Variants in INO80 observed in about 807,000 individuals in gnomAD.
INO80 encodes the protein INO80 complex ATPase subunit, also known as chromatin-remodeling ATPase INO80.
A neutral mutation model predicts 203.4 loss-of-function variants in INO80; 20 were observed. The ratio of observed to expected loss-of-function variants is 0.10; its 90% CI spans 0.07 to 0.14. The LOEUF is 0.14. Among genes scored for constraint, INO80 ranks in the 10% least tolerant of loss-of-function variants. The probability of loss-of-function intolerance (pLI) is 1.00; values close to 1 mark genes in which losing one functional copy is unlikely to be tolerated. For missense variants in INO80, 1,419 were observed against 1,914.4 expected, an observed-to-expected ratio of 0.74 and a Z score of 4.83; for synonymous variants, 726 against 685.2, an observed-to-expected ratio of 1.06 and a Z score of -0.93.
chr15:41,096,811 T>C (rs1364043640), intron 1 of INO80, among the ~76,000 whole-genome samples: 2 of 152,226 alleles, frequency 1.3e-5, no homozygotes, highest in South Asian at 2.1e-4. Flanking sequence ...TTTGAATTCA[T>C]ATTCATACAT....
At chr15:41,048,153 C>T (rs1188083068) in intron 22 of INO80, 59 bp downstream of exon 22, 1 of 1,327,656 alleles carries the variant, frequency 7.5e-7, no homozygotes, top group Non-Finnish European at 1.1e-6. Context: ...CTCAGCAAAA[C>T]AAAGAGCATC....
intron 32 of INO80, among the ~76,000 whole-genome samples, chr15:40,984,582 G>A (rs1388735710): frequency 2.0e-5 from 3 of 151,870 alleles, no homozygotes; most frequent in African/African-American, 7.3e-5. Flanking sequence ...AACTACTTAG[G>A]CTGAGGTGGG....
chr15:41,045,695 A>G (rs2044745265), intron 23 of INO80, among the ~76,000 whole-genome samples: 1 of 151,620 alleles, frequency 6.6e-6, no homozygotes, highest in Non-Finnish European at 1.5e-5. Context: ...GAGTTCGGGA[A>G]CAGCCTGGCC....
chr15:41,005,441 C>A, intron 28 of INO80, 152 bp downstream of exon 28: 1 of 564,312 alleles, frequency 1.8e-6, no homozygotes, highest in Non-Finnish European at 3.1e-6. Context: ...TTATGATAAG[C>A]AGATTTAGTA....
intron 27 of INO80, 27 bp downstream of exon 27, chr15:41,016,061 C>G (rs758521199): frequency 1.3e-6 from 2 of 1,596,612 alleles, no homozygotes; most frequent in East Asian, 2.2e-5. Context: ...TCAAGGTATC[C>G]TAGGTCCCCA....
intron 24 of INO80, among the ~76,000 whole-genome samples, chr15:41,036,448 A>C (rs141774420): frequency 7.3e-4 from 111 of 152,218 alleles, no homozygotes; most frequent in African/African-American, 2.6e-3. Context: ...AAAAATAACT[A>C]AGTGCAATAA....
At chr15:40,982,432 A>G (rs1893866080) in intron 35 of INO80, among the ~76,000 whole-genome samples, 1 of 152,212 alleles carries the variant, frequency 6.6e-6, no homozygotes, top group South Asian at 2.1e-4. Flanking sequence ...TACAGGTGTG[A>G]GCCACTGTGC....
At chr15:41,003,551 A>G (rs998699377) in intron 28 of INO80, among the ~76,000 whole-genome samples, 6 of 151,790 alleles carry the variant, frequency 4.0e-5, no homozygotes, top group Non-Finnish European at 7.4e-5. Flanking sequence ...GCTGGTCTCG[A>G]ACTCCTGACC....
intron 29 of INO80, among the ~76,000 whole-genome samples, chr15:40,993,552 G>A (rs1039909835): frequency 1.3e-5 from 2 of 152,002 alleles, no homozygotes; most frequent in Non-Finnish European, 1.5e-5. Flanking sequence ...GAGGTCAGGA[G>A]TTTTGAGACC....
At position 40,980,331 on chromosome 15, in the gene INO80, T is replaced by G; in HGVS notation, c.4563A>C (p.Gly1521=). ...TCTTGGGATTCCCAGGAACATTATT[T>G]CCCTTGCTCAAAGGGGAACTCAAAG... ...SSPLSSPLSK[G]NNVPGNPKNL... Residue 1521 remains glycine, a synonymous_variant, in exon 36 of 36, where the codon GGA becomes GGC. Transcript: ENST00000648947. 6.2e-7 allele frequency: 1 copy of G among 1,614,022 alleles called. No homozygotes were observed. Among genetic ancestry groups the G allele is most frequent in the Non-Finnish European group, 8.5e-7 (1 of 1,180,004 alleles).
intron 11 of INO80, among the ~76,000 whole-genome samples, chr15:41,073,221 T>G (rs2045352368): frequency 6.6e-6 from 1 of 152,216 alleles, no homozygotes; most frequent in South Asian, 2.1e-4. Flanking sequence ...TATTCGTTTT[T>G]CTGCCTTTCT....
Position 41,087,669 on chromosome 15 carries a change from T to C in INO80, c.551A>G (p.Gln184Arg). Reference sequence around the variant, plus strand: ...GGAGAGCAGGCCTGCACTGTAGTACTGATATTGCTGCAACTGAAGCAGGCA... The same window carrying C: ...GGAGAGCAGGCCTGCACTGTAGTACCGATATTGCTGCAACTGAAGCAGGCA... ...YSKDKELQQY[Q>R]YYSAGLLSTY... The change falls in exon 6 of 36, where the codon CAG becomes CGG. Residue 184 changes from glutamine to arginine, a missense_variant. By Grantham distance (43) the Gln-to-Arg change is conservative. Coordinates refer to ENST00000648947, the MANE Select transcript of INO80 (RefSeq NM_017553.3). 3.1e-6 allele frequency: 5 copies of C among 1,610,450 alleles called. No homozygotes were observed. Among genetic ancestry groups the C allele is most frequent in the Non-Finnish European group, 4.2e-6 (5 of 1,178,538 alleles).
rs1245058781 is a variant in INO80 at position 41,116,151 on chromosome 15, A to T, written c.-222T>A. 2 of 405,320 alleles carry T rather than the reference A, an allele frequency of 4.9e-6. No homozygotes were observed. The highest frequency in any genetic ancestry group is 4.1e-5 in the African/African-American group (2 of 48,642). The allele number at this position is 405,320 out of a possible 1,614,324, so 25.1% of individuals were successfully genotyped here. A position where few individuals can be genotyped will look rare whatever the true frequency, so the allele number is the denominator to read the frequency against. On this transcript the variant is annotated 5_prime_UTR_variant, in exon 1 of 36. Coordinates refer to ENST00000648947, the MANE Select transcript of INO80 (RefSeq NM_017553.3). ...GCTCGCTCCCTCCGCGGCTCCTGGGACCCCAAGATGGCGGCGGCGCTGAGG... is the reference window on the plus strand; with the variant it reads ...GCTCGCTCCCTCCGCGGCTCCTGGGTCCCCAAGATGGCGGCGGCGCTGAGG...
intron 16 of INO80, 38 bp from the exon 17 acceptor site, chr15:41,056,744 TA>T: frequency 1.9e-6 from 3 of 1,563,242 alleles, no homozygotes; most frequent in Non-Finnish European, 2.6e-6. Context: ...ATGTTAGCAA[TA>T]AATTGTTCTT....
intron 31 of INO80, 54 bp from the exon 32 acceptor site, chr15:40,985,480 T>A: frequency 7.8e-7 from 1 of 1,287,076 alleles, no homozygotes; most frequent in South Asian, 1.2e-5. Context: ...ATCATAATCC[T>A]CACTCTCTTA....
At chr15:41,006,658 T>C (rs2044044701) in intron 27 of INO80, among the ~76,000 whole-genome samples, 2 of 152,232 alleles carry the variant, frequency 1.3e-5, no homozygotes, top group Admixed American at 6.5e-5. Context: ...GTGCAGCGTA[T>C]GTGACAGCCT....
chr15:41,037,834 T>A (rs1287170731), intron 24 of INO80, among the ~76,000 whole-genome samples: 1 of 151,068 alleles, frequency 6.6e-6, no homozygotes, highest in Non-Finnish European at 1.5e-5. Flanking sequence ...TCCCAGCTAC[T>A]CAGGAGGCTG....
chr15:40,993,076 T>G (rs962946916), intron 29 of INO80, among the ~76,000 whole-genome samples: 4 of 152,196 alleles, frequency 2.6e-5, no homozygotes, highest in African/African-American at 9.7e-5. Context: ...ATTACAGGCA[T>G]GAGCCACCAT....
At chr15:41,079,255 A>G (rs531141751) in intron 9 of INO80, among the ~76,000 whole-genome samples, 1 of 152,330 alleles carries the variant, frequency 6.6e-6, no homozygotes, top group East Asian at 1.9e-4. Flanking sequence ...TACTGTCCAA[A>G]AAAAGCAAAA....
Sources: allele counts gnomAD v4.1 joint callset (sites outside exome capture counted in the v4.1 genomes callset), GRCh38; gene constraint gnomAD v4.1.1; transcripts MANE v1.5; gene names NCBI Gene and HGNC (gene_info 2026-07-23, HGNC 2026-07-21).